The following FGD6 variants were observed in gnomAD, a reference collection of about 807,000 sequenced individuals.
The protein encoded by FGD6 is FYVE, RhoGEF and PH domain containing 6.
A neutral mutation model predicts 149.4 loss-of-function variants in FGD6; 90 were observed. The observed-to-expected ratio is 0.60, with a 90% CI of 0.51 to 0.72. The LOEUF is 0.72. FGD6 is among the 30% of genes least tolerant of loss of function. The probability of loss-of-function intolerance (pLI) is 0.00; values close to 1 mark genes in which losing one functional copy is unlikely to be tolerated. For synonymous variants in FGD6, 527 were observed against 584.0 expected (o/e 0.90, Z 1.41); for missense variants, 1,437 against 1,684.8 (o/e 0.85, Z 2.57).
At chr12:95,136,851 G>A (rs973149537) in intron 7 of FGD6, among the ~76,000 whole-genome samples, 10 of 152,194 alleles carry the variant, frequency 6.6e-5, no homozygotes, top group Non-Finnish European at 1.2e-4. Flanking sequence ...TTTGCAAGTT[G>A]AAAAGAGTTC....
At chr12:95,198,969 A>G (rs906587654) in intron 2 of FGD6, among the ~76,000 whole-genome samples, 1 of 140,200 alleles carries the variant, frequency 7.1e-6, no homozygotes, top group Non-Finnish European at 1.6e-5. Flanking sequence ...TTTTAAAAAC[A>G]GCCATATAAT....
intron 2 of FGD6, among the ~76,000 whole-genome samples, chr12:95,177,757 C>T (rs1412497178): frequency 6.6e-6 from 1 of 152,058 alleles, no homozygotes; most frequent in Non-Finnish European, 1.5e-5. Context: ...TTATAGCACA[C>T]TAACTATAAA....
At chr12:95,192,899 G>T (rs1433065079) in intron 2 of FGD6, among the ~76,000 whole-genome samples, 1 of 151,106 alleles carries the variant, frequency 6.6e-6, no homozygotes, top group African/African-American at 2.4e-5. Flanking sequence ...TGTGTAGATG[G>T]GCAATAAGAT....
chr12:95,148,569 T>TATTATATATTATATATTAC lies in FGD6; in HGVS notation c.2685+4241_2685+4242insGTAATATATAATATATAAT, dbSNP rs1880093732. Reference sequence around the variant, plus strand: ...ATATTATATTATATATTATATATTATATAATACATAGCATATATTATATAA... The same window carrying TATTATATATTATATATTAC: ...ATATTATATTATATATTATATATTATATTATATATTATATATTACATAATACATAGCATATATTATATAA... On this transcript the variant is annotated intron_variant, in intron 5 of 20. Coordinates refer to ENST00000343958, the MANE Select transcript of FGD6 (RefSeq NM_018351.4). Among the ~76,000 whole-genome samples the TATTATATATTATATATTAC allele has an allele frequency of 2.9e-5, 4 of 137,390 alleles. No individual in the cohort carries two copies. The Admixed American group carries it at 3.3e-4, about 11-fold the overall frequency. 90.1% of individuals were successfully genotyped at this position (137,390 alleles called of 152,430 possible).
Position 95,094,682 on chromosome 12 carries a change from T to C in FGD6, c.3510A>G (p.Glu1170=). The stretch of plus-strand genomic sequence containing the variant: ...AAATCGCTTCTAGCCATTCATCCCT[T>C]TCTGTGGCAGAACTGTTGGGGGCAA... The part of the protein sequence containing the change: ...SFILSASSAT[E]RDEWLEAISR... The change falls in exon 15 of 21, where the codon GAA becomes GAG. Residue 1170 remains glutamate, a synonymous_variant. Transcript: ENST00000343958. 1 of 1,613,436 alleles carries C rather than the reference T, an allele frequency of 6.2e-7. No individual in the cohort carries two copies.
chr12:95,100,063 C>T (rs1007188931), intron 14 of FGD6, among the ~76,000 whole-genome samples: 2 of 139,542 alleles, frequency 1.4e-5, no homozygotes, highest in Non-Finnish European at 3.1e-5. Flanking sequence ...GATCCCCCCC[C>T]CCCCCACCCC....
intron 5 of FGD6, among the ~76,000 whole-genome samples, chr12:95,147,169 C>T (rs1290563816): frequency 2.0e-5 from 3 of 152,186 alleles, no homozygotes; most frequent in African/African-American, 7.2e-5. Context: ...AGCAAAGCAG[C>T]TGTGGAGGTC....
chr12:95,119,649 CGGCTGGTGTGGT>C (rs1879126144), intron 8 of FGD6, among the ~76,000 whole-genome samples: 1 of 152,170 alleles, frequency 6.6e-6, no homozygotes, highest in Admixed American at 6.6e-5. Context: ...TTAGCACTGT[CGGCTGGTGTGGT>C]GGCTTACACC....
Position 95,209,466 on chromosome 12 carries a change from T to C in FGD6, c.1818A>G (p.Leu606=), listed in dbSNP as rs2056711542. The change falls in exon 2 of 21, where the codon TTA becomes TTG. Residue 606 remains leucine (L), a synonymous_variant. Transcript: ENST00000343958. ...TGCACTTTTCCACATCCATAGCAGA[T>C]AACGATTTTGCTCTGGGCTTGGTTA... ...TALTKPRAKS[L]SAMDVEKCTK... 1.2e-6 allele frequency: 2 copies of C among 1,612,112 alleles called. No individual in the cohort carries two copies. The highest frequency in any genetic ancestry group is 1.7e-6 in the Non-Finnish European group (2 of 1,179,294).
Position 95,153,115 on chromosome 12 carries a change from C to T in FGD6, c.2587-122G>A, listed in dbSNP as rs1020992273. ...GTTTCCTCCTAGCACACAGTTCATA[C>T]CATATAACATTTCAAATGGCAAACG... On this transcript the variant is annotated intron_variant, in intron 3 of 20. Transcript: ENST00000343958. The T allele has an allele frequency of 8.1e-5, 62 of 761,726 alleles. 1 individual carries two copies. The highest frequency in any genetic ancestry group is 1.3e-4 in the Non-Finnish European group (60 of 463,186). The allele number at this position is 761,726 out of a possible 1,614,324, so 47.2% of individuals were successfully genotyped here.
At chr12:95,118,849 A>G (rs1434335570) in intron 8 of FGD6, among the ~76,000 whole-genome samples, 1 of 152,218 alleles carries the variant, frequency 6.6e-6, no homozygotes, top group Non-Finnish European at 1.5e-5. Flanking sequence ...AACAACCTAA[A>G]ATTAGCCTGA....
chr12:95,158,609 A>T (rs995660059), intron 3 of FGD6, among the ~76,000 whole-genome samples: 2 of 152,164 alleles, frequency 1.3e-5, no homozygotes, highest in Non-Finnish European at 2.9e-5. Flanking sequence ...ACACACACGG[A>T]TAACTGTTAT....
chr12:95,099,011 A>T lies in FGD6; in HGVS notation c.3498-4317T>A, dbSNP rs1878332421. 2.0e-5 allele frequency among the ~76,000 whole-genome samples: 3 copies of T among 152,096 alleles called. No individual in the cohort carries two copies. The South Asian group carries it at 6.2e-4, about 32-fold the overall frequency. ...CAGCCTCCAGAGTAGCTGGGATTAC[A>T]GGCGTGTGCCACTATGCCCAGCTAA... is the stretch of plus-strand genomic sequence containing the variant. On this transcript the variant is annotated intron_variant, in intron 14 of 20. Coordinates refer to ENST00000343958, the MANE Select transcript of FGD6 (RefSeq NM_018351.4).
At chr12:95,181,247 T>C (rs1881275161) in intron 2 of FGD6, among the ~76,000 whole-genome samples, 1 of 152,326 alleles carries the variant, frequency 6.6e-6, no homozygotes, top group Admixed American at 6.5e-5. Flanking sequence ...TACGTCACAG[T>C]GAACAGCAAC....
intron 8 of FGD6, among the ~76,000 whole-genome samples, chr12:95,121,580 A>G (rs1297843715): frequency 6.6e-6 from 1 of 150,634 alleles, no homozygotes; most frequent in East Asian, 1.9e-4. Context: ...ATAAATAGCC[A>G]GTTTTATAAT....
intron 16 of FGD6, among the ~76,000 whole-genome samples, chr12:95,092,297 A>G (rs2060304): frequency 0.12 from 17,852 of 152,180 alleles, 1,629 homozygotes; most frequent in African/African-American, 0.25. Context: ...TAATGAGATC[A>G]TGAAGGCTTA....
In FGD6 at chr12:95,152,954, C is replaced by A; in HGVS notation, c.2626G>T (p.Ala876Ser). Residue 876 changes from alanine (A) to serine (S), a missense_variant, in exon 4 of 21, where the codon GCC (alanine) becomes TCC (serine). By Grantham distance (99) the Ala-to-Ser change is moderately conservative (BLOSUM62 1). Coordinates refer to ENST00000343958, the MANE Select transcript of FGD6 (RefSeq NM_018351.4). ...NGMKSKVHHI[A>S]KEIMSSEKVF... ...TTCTCTGAGCTCATGATCTCCTTGG[C>A]AATATGATGAACTTTACTTTTCATT... The A allele has an allele frequency of 6.2e-7, 1 of 1,614,006 alleles. No individual in the cohort carries two copies. Among genetic ancestry groups the A allele is most frequent in the Non-Finnish European group, 8.5e-7 (1 of 1,179,972 alleles).
chr12:95,115,181 T>C (rs887524004), intron 8 of FGD6, among the ~76,000 whole-genome samples: 3 of 148,074 alleles, frequency 2.0e-5, no homozygotes, highest in African/African-American at 7.5e-5. Flanking sequence ...TTCTCTCACA[T>C]AGCACTTAGT....
At chr12:95,196,976 T>A (rs758555308) in intron 2 of FGD6, among the ~76,000 whole-genome samples, 98 of 152,134 alleles carry the variant, frequency 6.4e-4, no homozygotes, top group South Asian at 1.0e-3. Flanking sequence ...GGCATCTCAA[T>A]CCGTTTTACC....
Sources: allele counts gnomAD v4.1 joint callset (sites outside exome capture counted in the v4.1 genomes callset), GRCh38; gene constraint gnomAD v4.1.1; transcripts MANE v1.5; gene names NCBI Gene and HGNC (gene_info 2026-07-23, HGNC 2026-07-21).